BABAM2: variants seen among roughly 807,000 people sequenced by gnomAD.
BABAM2 encodes BRISC and BRCA1-A complex member 2.
BABAM2 carries 31 observed loss-of-function variants against 54.7 expected under a neutral mutation model. The ratio of observed to expected loss-of-function variants is 0.57; its 90% CI spans 0.43 to 0.77. BABAM2 has a LOEUF of 0.77. Among genes scored for constraint, BABAM2 ranks in the 30% least tolerant of loss-of-function variants. BABAM2 has a pLI of 0.00. For synonymous variants in BABAM2, 167 were observed against 162.9 expected (o/e 1.03, Z -0.19); for missense variants, 364 against 455.8 (o/e 0.80, Z 1.83).
chr2:27,898,026 T>C (rs982550052), intron 2 of BABAM2, among the ~76,000 whole-genome samples: 1 of 152,222 alleles, frequency 6.6e-6, no homozygotes, highest in Admixed American at 6.5e-5. Context: ...CTTTCTGGGA[T>C]CTTTAAATCA....
At chr2:28,136,106 T>C (rs930099935) in intron 7 of BABAM2, among the ~76,000 whole-genome samples, 1 of 152,228 alleles carries the variant, frequency 6.6e-6, no homozygotes, top group African/African-American at 2.4e-5. Flanking sequence ...CAGAATTTTG[T>C]GATTTCCCGA....
chr2:27,940,230 A>T (rs1668772962), intron 3 of BABAM2, among the ~76,000 whole-genome samples: 2 of 152,226 alleles, frequency 1.3e-5, no homozygotes, highest in South Asian at 2.1e-4. Flanking sequence ...CAGCTATAGC[A>T]GCTATTCACA....
intron 6 of BABAM2, among the ~76,000 whole-genome samples, chr2:28,094,449 T>G (rs895247264): frequency 1.3e-4 from 20 of 152,288 alleles, no homozygotes; most frequent in African/African-American, 4.8e-4. Context: ...AAGTATCCTA[T>G]TTTTAAAAAT....
chr2:27,943,251 C>G (rs1202032930), intron 3 of BABAM2, among the ~76,000 whole-genome samples: 2 of 152,190 alleles, frequency 1.3e-5, no homozygotes, highest in Non-Finnish European at 2.9e-5. Context: ...AATCTTTCTG[C>G]TTCCACTTCC....
intron 5 of BABAM2, among the ~76,000 whole-genome samples, chr2:28,043,949 T>C (rs973659663): frequency 3.9e-5 from 6 of 152,212 alleles, no homozygotes; most frequent in African/African-American, 7.2e-5. Flanking sequence ...ACCATTGGCA[T>C]TCCTGGTGGC....
At chr2:28,262,268 G>A (rs1309482221) in intron 10 of BABAM2, among the ~76,000 whole-genome samples, 1 of 152,186 alleles carries the variant, frequency 6.6e-6, no homozygotes, top group African/African-American at 2.4e-5. Flanking sequence ...ACGTTGCCTA[G>A]GAGGCTGACA....
At chr2:28,238,375 A>G (rs974630328) in intron 8 of BABAM2, among the ~76,000 whole-genome samples, 2 of 152,200 alleles carry the variant, frequency 1.3e-5, no homozygotes, top group African/African-American at 4.8e-5. Flanking sequence ...ACTGTGACTC[A>G]GTTTGTTTAG....
intron 6 of BABAM2, 117 bp from the exon 7 acceptor site, chr2:28,129,154 A>G (rs923470238): frequency 5.5e-6 from 5 of 913,378 alleles, no homozygotes; most frequent in Middle Eastern, 3.2e-4. Context: ...CAGCTAAGCT[A>G]AAGTGGAATA....
chr2:27,947,298 A>G (rs1041640918), intron 3 of BABAM2, among the ~76,000 whole-genome samples: 8 of 152,054 alleles, frequency 5.3e-5, no homozygotes, highest in Non-Finnish European at 8.8e-5. Flanking sequence ...CTTCTGAGCT[A>G]TATGTCATTG....
chr2:27,928,528 T>G (rs1667873599), intron 2 of BABAM2, among the ~76,000 whole-genome samples: 1 of 152,324 alleles, frequency 6.6e-6, no homozygotes, highest in South Asian at 2.1e-4. Flanking sequence ...CTGAGTTACT[T>G]AAAGCCAAAA....
intron 6 of BABAM2, among the ~76,000 whole-genome samples, chr2:28,069,996 T>G (rs1168617827): frequency 6.6e-6 from 1 of 152,190 alleles, no homozygotes; most frequent in Non-Finnish European, 1.5e-5. Flanking sequence ...CCATCTTAGC[T>G]TCCAGAATAG....
At chr2:28,066,023 G>C (rs1442297789) in intron 6 of BABAM2, among the ~76,000 whole-genome samples, 1 of 150,626 alleles carries the variant, frequency 6.6e-6, no homozygotes, top group East Asian at 1.9e-4. Flanking sequence ...GCTGGGCGTG[G>C]TGACACATGC....
chr2:27,965,774 T>C (rs1670794610), intron 3 of BABAM2, among the ~76,000 whole-genome samples: 1 of 152,218 alleles, frequency 6.6e-6, no homozygotes, highest in Non-Finnish European at 1.5e-5. Flanking sequence ...TGATATGTCA[T>C]TTAGCTCTCT....
chr2:28,025,410 A>G lies in BABAM2; in HGVS notation c.485A>G (p.Lys162Arg), dbSNP rs1675580754. The G allele has an allele frequency of 6.4e-7, 1 of 1,571,692 alleles. No homozygotes were observed. Among genetic ancestry groups the G allele is most frequent in the Non-Finnish European group, 8.6e-7 (1 of 1,167,384 alleles). ...AACATGGAAATTTATGCTGGGAAAA[A>G]AAACAACTGGGTAAGGATTTTTGAG... The part of the protein sequence containing the change: ...GENMEIYAGK[K>R]NNWTGEFSAR... The change falls in exon 5 of 12, where the codon AAA (lysine) becomes AGA (arginine). Residue 162 changes from lysine (K) to arginine (R), a missense_variant. Transcript: ENST00000379624.
chr2:27,935,290 T>G (rs1668410347), intron 3 of BABAM2, among the ~76,000 whole-genome samples: 1 of 152,236 alleles, frequency 6.6e-6, no homozygotes, highest in African/African-American at 2.4e-5. Context: ...TGAAAGCCAC[T>G]GTTGAGAACT....
intron 6 of BABAM2, among the ~76,000 whole-genome samples, chr2:28,092,923 A>T (rs1019550034): frequency 6.6e-6 from 1 of 152,120 alleles, no homozygotes; most frequent in Non-Finnish European, 1.5e-5. Context: ...CATAGCACTG[A>T]GTGTGCTGTC....
chr2:28,329,508 A>T lies in BABAM2; in HGVS notation c.1089-8942A>T, dbSNP rs1690765923. ...AATGATAAAGGGGCTATCACCACTG[A>T]CCCCACAGAAATACAAACAACCATC... On this transcript the variant is annotated intron_variant, in intron 11 of 11. Coordinates refer to ENST00000379624, the MANE Select transcript of BABAM2 (RefSeq NM_199191.3). The surrounding 1 kb of genome is among the most constrained non-coding windows in gnomAD (Gnocchi z 4.2). 6.6e-6 allele frequency among the ~76,000 whole-genome samples: 1 copy of T among 152,130 alleles called. No homozygotes were observed. The highest frequency in any genetic ancestry group is 2.1e-4 in the South Asian group (1 of 4,828).
rs1405418257 is a variant in BABAM2, at chr2:27,988,071, A to C, written c.284A>C (p.Asp95Ala). Residue 95 changes from aspartate (D) to alanine (A), a missense_variant, in exon 4 of 12, where the codon GAC becomes GCC. Physicochemically the swap from Asp to Ala is moderately radical, Grantham distance 126 (BLOSUM62 -2). Transcript: ENST00000379624. Reference sequence around the variant, plus strand: ...GGAGAAGATGCTGAATTCCTGCCAGACCCCTCAGCTTTGCAGGTGAGTACT... The same window carrying C: ...GGAGAAGATGCTGAATTCCTGCCAGCCCCCTCAGCTTTGCAGGTGAGTACT... ...IFGEDAEFLP[D>A]PSALQNLASW... is the part of the protein sequence containing the mutation. 1 of 1,613,256 alleles carries C rather than the reference A, an allele frequency of 6.2e-7. No individual in the cohort carries two copies. Among genetic ancestry groups the C allele is most frequent in the Non-Finnish European group, 8.5e-7 (1 of 1,179,480 alleles).
chr2:28,004,853 A>AT (rs1673844668), intron 4 of BABAM2, among the ~76,000 whole-genome samples: 1 of 152,132 alleles, frequency 6.6e-6, no homozygotes, highest in Non-Finnish European at 1.5e-5. Context: ...TTAAAAATAC[A>AT]TTTTAAAAAG....
Sources: gnomAD v4.1 joint callset for allele counts (sites outside exome capture counted in the v4.1 genomes callset) on GRCh38, gnomAD v4.1.1 for gene constraint, Gnocchi (gnomAD v3.1) non-coding constraint, MANE v1.5 for transcripts, NCBI Gene and HGNC (gene_info 2026-07-23, HGNC 2026-07-21) for gene names.